The following TGFBR2 variants were observed in gnomAD, a reference collection of about 807,000 sequenced individuals.
TGFBR2 encodes transforming growth factor beta receptor 2, also known as TGF-beta receptor type-2.
TGFBR2 carries 18 observed loss-of-function variants against 49.0 expected under a neutral mutation model. That is an observed-to-expected ratio of 0.37 (90% CI 0.25 to 0.54). The LOEUF is 0.54. Ranked by LOEUF, TGFBR2 falls within the 20% of genes least tolerant of loss-of-function variation. TGFBR2 has a pLI of 0.85. For missense variants in TGFBR2, 525 were observed against 722.6 expected (o/e 0.73, Z 3.13); for synonymous variants, 282 against 275.9 (o/e 1.02, Z -0.22).
rs527702061 is a variant in TGFBR2, at chr3:30,612,558, A to G, written c.94+5581A>G. On this transcript the variant is annotated intron_variant, in intron 1 of 6. Transcript: ENST00000295754. Reference sequence around the variant, plus strand: ...TACATTTGTACCACAGAAAATCAAGATAAGGCAGAGTTTCTTTGCATAAGG... The same window carrying G: ...TACATTTGTACCACAGAAAATCAAGGTAAGGCAGAGTTTCTTTGCATAAGG... Among the ~76,000 whole-genome samples the G allele has an allele frequency of 3.3e-5, 5 of 152,278 alleles. No individual in the cohort carries two copies. In the South Asian group the frequency reaches 1.0e-3, roughly 32 times the overall value.
intron 3 of TGFBR2, among the ~76,000 whole-genome samples, chr3:30,670,581 C>T (rs1247498909): frequency 6.6e-6 from 1 of 152,218 alleles, no homozygotes; most frequent in Non-Finnish European, 1.5e-5. Context: ...TTGCTCTCTC[C>T]TGTCCACTGT....
intron 3 of TGFBR2, among the ~76,000 whole-genome samples, chr3:30,652,103 C>T (rs1698901242): frequency 6.6e-6 from 1 of 152,158 alleles, no homozygotes; most frequent in African/African-American, 2.4e-5. Flanking sequence ...TCCCCCAGGC[C>T]AACTTCTCAG....
chr3:30,651,728 G>A (rs1465409504), intron 3 of TGFBR2, among the ~76,000 whole-genome samples: 1 of 152,178 alleles, frequency 6.6e-6, no homozygotes, highest in Non-Finnish European at 1.5e-5. Context: ...GAAATTTCTA[G>A]ATTAGAAATA....
chr3:30,612,100 C>T (rs149322440), intron 1 of TGFBR2, among the ~76,000 whole-genome samples: 87 of 152,170 alleles, frequency 5.7e-4, no homozygotes, highest in African/African-American at 2.0e-3. Context: ...CTTGGCATGC[C>T]AAAGGGTTTG....
chr3:30,667,540 C>T (rs1654137194), intron 3 of TGFBR2, among the ~76,000 whole-genome samples: 1 of 152,128 alleles, frequency 6.6e-6, no homozygotes, highest in Non-Finnish European at 1.5e-5. Context: ...AAAGAAATAA[C>T]AGGAAATTTT....
chr3:30,615,964 A>G (rs1206486100), intron 1 of TGFBR2, among the ~76,000 whole-genome samples: 3 of 152,084 alleles, frequency 2.0e-5, no homozygotes, highest in Non-Finnish European at 1.5e-5. Flanking sequence ...CTGGTCTTGA[A>G]CACTGGGGCT....
At chr3:30,688,179 T>C (rs1173900841) in intron 5 of TGFBR2, among the ~76,000 whole-genome samples, 1 of 152,250 alleles carries the variant, frequency 6.6e-6, no homozygotes. Flanking sequence ...TCAACAATCA[T>C]TTATTGAATA....
intron 1 of TGFBR2, among the ~76,000 whole-genome samples, chr3:30,638,170 G>T (rs1698574655): frequency 6.6e-6 from 1 of 152,116 alleles, no homozygotes; most frequent in African/African-American, 2.4e-5. Context: ...ACAATATAGA[G>T]AACTCATATG....
Position 30,691,812 on chromosome 3 carries a change from G to T in TGFBR2, c.*213G>T, listed in dbSNP as rs1248084651. On this transcript the variant is annotated 3_prime_UTR_variant, in exon 7 of 7. Transcript: ENST00000295754. ...CTTTGACATTGTCATAGGATAAGCTGTGTTAGCACTTCCTCAGGAAATGAG... is the reference window on the plus strand; with the variant it reads ...CTTTGACATTGTCATAGGATAAGCTTTGTTAGCACTTCCTCAGGAAATGAG... 1.7e-6 allele frequency: 1 copy of T among 577,642 alleles called. No homozygotes were observed. The highest frequency in any genetic ancestry group is 2.0e-5 in the South Asian group (1 of 50,002). The allele number at this position is 577,642 out of a possible 1,614,324, so 35.8% of individuals were successfully genotyped here.
chr3:30,658,785 T>C (rs1699055383), intron 3 of TGFBR2, among the ~76,000 whole-genome samples: 1 of 152,220 alleles, frequency 6.6e-6, no homozygotes, highest in Non-Finnish European at 1.5e-5. Flanking sequence ...TTTTACAGTA[T>C]CAGACACGCG....
At position 30,606,793 on chromosome 3, in the gene TGFBR2, G is replaced by C; in HGVS notation, c.-91G>C. ...CTGCCGGCCCGGCGCGGGGTCCGGAGAGGGCGCGGCGCGGAGGCGCAGCCA... is the reference window on the plus strand; with the variant it reads ...CTGCCGGCCCGGCGCGGGGTCCGGACAGGGCGCGGCGCGGAGGCGCAGCCA... On this transcript the variant is annotated 5_prime_UTR_variant, in exon 1 of 7. Coordinates refer to ENST00000295754, the MANE Select transcript of TGFBR2 (RefSeq NM_003242.6). 1.0e-6 allele frequency: 1 copy of C among 973,974 alleles called. No homozygotes were observed. The allele number at this position is 973,974 out of a possible 1,614,324, so 60.3% of individuals were successfully genotyped here.
At chr3:30,623,211 A>T in intron 1 of TGFBR2, 1 of 1,553,014 alleles carries the variant, frequency 6.4e-7, no homozygotes, top group Non-Finnish European at 8.9e-7. Context: ...GTGGAAATGG[A>T]GGCCCAGAAA....
chr3:30,641,909 T>C (rs1169671974), intron 1 of TGFBR2, among the ~76,000 whole-genome samples: 3 of 151,766 alleles, frequency 2.0e-5, no homozygotes, highest in Admixed American at 6.6e-5. Flanking sequence ...CTTCCTCCCT[T>C]CCTTCCTCTC....
intron 1 of TGFBR2, among the ~76,000 whole-genome samples, chr3:30,608,931 A>G (rs1697985073): frequency 3.3e-5 from 5 of 152,232 alleles, no homozygotes; most frequent in Non-Finnish European, 1.5e-5. Context: ...GTTCCAGATT[A>G]TAAAAGAAGG....
At chr3:30,664,313 T>G (rs904918540) in intron 3 of TGFBR2, among the ~76,000 whole-genome samples, 4 of 151,992 alleles carry the variant, frequency 2.6e-5, no homozygotes, top group African/African-American at 9.7e-5. Flanking sequence ...CTGAGTGGCT[T>G]CAAAGCTTTT....
rs765447350 is a variant in TGFBR2, at chr3:30,644,895, G to T, written c.243G>T (p.Gln81His). 3 of 1,614,056 alleles carry T rather than the reference G, an allele frequency of 1.9e-6. No individual in the cohort carries two copies. The highest frequency in any genetic ancestry group is 2.5e-6 in the Non-Finnish European group (3 of 1,179,960). Residue 81 changes from glutamine (Q) to histidine (H), a missense_variant, in exon 2 of 7, where the codon CAG (glutamine) becomes CAT (histidine). Gln to His is a conservative substitution (Grantham distance 24). Around this residue, in one of 3 missense-constraint regions of TGFBR2, gnomAD observed 376 missense variants for 478.2 expected, o/e 0.79. Coordinates refer to ENST00000295754, the MANE Select transcript of TGFBR2 (RefSeq NM_003242.6). Reference protein sequence around the residue: ...CSITSICEKPQEVCVAVWRKN... With the variant: ...CSITSICEKPHEVCVAVWRKN... ...TCACCTCCATCTGTGAGAAGCCACA[G>T]GAAGTCTGTGTGGCTGTATGGTAAG...
chr3:30,645,017 C>A, intron 2 of TGFBR2, 102 bp downstream of exon 2: 2 of 1,070,936 alleles, frequency 1.9e-6, no homozygotes, highest in Non-Finnish European at 1.4e-6. Context: ...TAAATGTAAA[C>A]ACCTGTTCCA....
chr3:30,670,311 C>T (rs1699315943), intron 3 of TGFBR2, among the ~76,000 whole-genome samples: 1 of 152,132 alleles, frequency 6.6e-6, no homozygotes, highest in Non-Finnish European at 1.5e-5. Flanking sequence ...ACATTTAGCC[C>T]CTATCCCAGA....
At chr3:30,650,522 G>T (rs2125410996) in intron 3 of TGFBR2, 62 bp downstream of exon 3, 1 of 1,545,036 alleles carries the variant, frequency 6.5e-7, no homozygotes, top group Non-Finnish European at 8.9e-7. Flanking sequence ...TGTATCCTTG[G>T]TCTGCAGTGT....
Sources: gnomAD v4.1 joint callset for allele counts (sites outside exome capture counted in the v4.1 genomes callset) on GRCh38, gnomAD v4.1.1 for gene constraint, gnomAD v4.1.1 regional missense constraint, MANE v1.5 for transcripts, NCBI Gene and HGNC (gene_info 2026-07-23, HGNC 2026-07-21) for gene names.